LHX4: variants seen among roughly 807,000 people sequenced by gnomAD.
LHX4 encodes LIM/homeobox protein Lhx4.
In LHX4, 16 loss-of-function variants were observed where a neutral mutation model predicts 39.2. That is an observed-to-expected ratio of 0.41 (90% confidence interval 0.28 to 0.62). The LOEUF (loss-of-function observed/expected upper bound fraction) is 0.62. Among genes scored for constraint, LHX4 ranks in the 20% least tolerant of loss-of-function variants. LHX4 has a pLI of 0.33. For synonymous variants in LHX4, 206 were observed against 198.1 expected (o/e 1.04, Z -0.33); for missense variants, 439 against 511.9 (o/e 0.86, Z 1.37).
chr1:180,262,958 G>C (rs943978910), intron 2 of LHX4, among the ~76,000 whole-genome samples: 2 of 152,216 alleles, frequency 1.3e-5, no homozygotes, highest in Non-Finnish European at 2.9e-5. Flanking sequence ...ATCAGCTCCA[G>C]CTGCTCTCCT....
At chr1:180,242,827 C>T (rs1664472434) in intron 1 of LHX4, among the ~76,000 whole-genome samples, 1 of 152,134 alleles carries the variant, frequency 6.6e-6, no homozygotes, top group Non-Finnish European at 1.5e-5. Flanking sequence ...AACGACTCCT[C>T]ATATTGAGTT....
intron 5 of LHX4, chr1:180,273,953 CT>C: frequency 1.7e-6 from 1 of 572,120 alleles, no homozygotes; most frequent in South Asian, 2.0e-5. Flanking sequence ...TTTGTCCATC[CT>C]TCTGGGACCT....
intron 2 of LHX4, among the ~76,000 whole-genome samples, chr1:180,259,339 G>T (rs1418486417): frequency 1.3e-5 from 2 of 152,108 alleles, no homozygotes; most frequent in East Asian, 3.8e-4. Context: ...GTACATGGAT[G>T]GAAGGAGCCA....
chr1:180,230,113 G>T (rs541561148), upstream of LHX4, among the ~76,000 whole-genome samples: 1 of 151,972 alleles, frequency 6.6e-6, no homozygotes, highest in East Asian at 2.0e-4. This position sits in a 1 kb window ranked among gnomAD's most constrained non-coding sequence, Gnocchi z 5.8. Flanking sequence ...GCCGAAGGGC[G>T]GGCCTCCCTG....
At position 180,234,219 on chromosome 1, in the gene LHX4, A is replaced by G. The variant is rs1451253345; in HGVS notation, c.76+3614A>G. Among the ~76,000 whole-genome samples the G allele has an allele frequency of 2.7e-5, 2 of 74,324 alleles. No homozygotes were observed. The highest frequency in any genetic ancestry group is 1.2e-4 in the Admixed American group (1 of 8,058). The allele number at this position is 74,324 out of a possible 152,430, so 48.8% of individuals were successfully genotyped here. On this transcript the variant is annotated intron_variant, in intron 1 of 5. Coordinates refer to ENST00000263726, the MANE Select transcript of LHX4 (RefSeq NM_033343.4). The surrounding 1 kb of genome is among the most constrained non-coding windows in gnomAD (Gnocchi z 4.8). ...TATATATATATATATATATATATAT[A>G]TAATAGATTGAGATTCTATCATATT...
chr1:180,231,941 C>A (rs1664193081), intron 1 of LHX4, among the ~76,000 whole-genome samples: 2 of 152,190 alleles, frequency 1.3e-5, no homozygotes, highest in African/African-American at 4.8e-5. Context: ...TAGATTGTTT[C>A]TTGGCTGTAT....
chr1:180,253,580 C>T (rs1343138602), intron 2 of LHX4, among the ~76,000 whole-genome samples: 1 of 152,214 alleles, frequency 6.6e-6, no homozygotes, highest in African/African-American at 2.4e-5. Context: ...AATTCCTGTC[C>T]TATCTTTCGT....
intron 3 of LHX4, chr1:180,270,300 A>AAAAG (rs896919722): frequency 6.6e-6 from 1 of 152,306 alleles, no homozygotes; most frequent in African/African-American, 2.4e-5. Context: ...AAGAAAGGAG[A>AAAAG]AAAGACAGAG....
intron 3 of LHX4, among the ~76,000 whole-genome samples, chr1:180,268,232 G>A (rs1176137607): frequency 5.9e-5 from 9 of 152,146 alleles, no homozygotes; most frequent in South Asian, 2.1e-4. Flanking sequence ...GTCTAGTGCC[G>A]TTCATCAGAG....
chr1:180,252,587 T>C (rs529534300), intron 2 of LHX4, among the ~76,000 whole-genome samples: 5 of 152,224 alleles, frequency 3.3e-5, no homozygotes, highest in Non-Finnish European at 7.3e-5. Flanking sequence ...ATCAATACTT[T>C]AATCTCTTTG....
intron 4 of LHX4, 112 bp downstream of exon 4, chr1:180,271,646 G>A: frequency 6.9e-7 from 1 of 1,442,924 alleles, no homozygotes; most frequent in South Asian, 1.2e-5. Flanking sequence ...CTTGACCCCA[G>A]GGCTTTTGCC....
chr1:180,271,018 C>T (rs149104133), intron 3 of LHX4: 2 of 344,842 alleles, frequency 5.8e-6, no homozygotes, highest in Non-Finnish European at 1.1e-5. Context: ...ACCTTCACAG[C>T]TCTGGCAAGA....
chr1:180,274,322 A>G lies in LHX4; in HGVS notation c.916A>G (p.Ser306Gly). The change falls in exon 6 of 6, where the codon AGC (serine) becomes GGC (glycine). Residue 306 changes from serine (S) to glycine (G), a missense_variant. Physicochemically the swap from Ser to Gly is moderately conservative, Grantham distance 56 (BLOSUM62 0). Coordinates refer to ENST00000263726, the MANE Select transcript of LHX4 (RefSeq NM_033343.4). Reference protein sequence around the residue: ...GQSYQDLRDGSPYGIPQSPSS... With the variant: ...GQSYQDLRDGGPYGIPQSPSS... ...ATCCTATCAGGACTTGAGGGATGGG[A>G]GCCCCTATGGAATCCCCCAGTCTCC... The G allele has an allele frequency of 6.2e-7, 1 of 1,614,134 alleles. No homozygotes were observed. Among genetic ancestry groups the G allele is most frequent in the Non-Finnish European group, 8.5e-7 (1 of 1,180,026 alleles).
intron 2 of LHX4, among the ~76,000 whole-genome samples, chr1:180,250,291 C>T (rs569633256): frequency 3.3e-5 from 5 of 151,754 alleles, no homozygotes; most frequent in African/African-American, 1.2e-4. Context: ...GCAGCTGTTA[C>T]AGGACCCTGG....
In LHX4 at chr1:180,266,958, C is replaced by T. The variant is rs746558353; in HGVS notation, c.451+364C>T. On this transcript the variant is annotated intron_variant, in intron 3 of 5. Coordinates refer to ENST00000263726, the MANE Select transcript of LHX4 (RefSeq NM_033343.4). This position sits in a 1 kb window ranked among gnomAD's most constrained non-coding sequence, Gnocchi z 5.7. ...CTGGGAGCTTGGTCTGTATTGGACA[C>T]GTGGGGCTGCCGCTTAGTTTTGCAC... Among the ~76,000 whole-genome samples, 1 of 152,184 alleles carries T rather than the reference C, an allele frequency of 6.6e-6. No individual in the cohort carries two copies. The highest frequency in any genetic ancestry group is 1.5e-5 in the Non-Finnish European group (1 of 68,032).
At chr1:180,267,487 C>G (rs1299769804) in intron 3 of LHX4, among the ~76,000 whole-genome samples, 1 of 152,240 alleles carries the variant, frequency 6.6e-6, no homozygotes, top group Non-Finnish European at 1.5e-5. Flanking sequence ...AAGGTGGACA[C>G]TTTTATTCCT....
intron 2 of LHX4, among the ~76,000 whole-genome samples, chr1:180,264,915 C>A (rs369312474): frequency 3.4e-4 from 52 of 152,320 alleles, no homozygotes; most frequent in African/African-American, 1.2e-3. Flanking sequence ...CACTCTGGGT[C>A]TTTCAGGATT....
chr1:180,246,932 A>C (rs1647411480), intron 1 of LHX4, among the ~76,000 whole-genome samples: 1 of 152,234 alleles, frequency 6.6e-6, no homozygotes, highest in Non-Finnish European at 1.5e-5. Flanking sequence ...TTAGACAAAC[A>C]ACGAGCAAAG....
At chr1:180,250,228 C>G (rs181339213) in intron 2 of LHX4, among the ~76,000 whole-genome samples, 26 of 152,222 alleles carry the variant, frequency 1.7e-4, no homozygotes, top group Admixed American at 1.7e-3. Flanking sequence ...CAGTGGGCAA[C>G]AGGAGTTTGC....
Sources: gnomAD v4.1 joint callset for allele counts (sites outside exome capture counted in the v4.1 genomes callset) on GRCh38, gnomAD v4.1.1 for gene constraint, Gnocchi (gnomAD v3.1) non-coding constraint, MANE v1.5 for transcripts, NCBI Gene and HGNC (gene_info 2026-07-23, HGNC 2026-07-21) for gene names.